FAM114A2: variants seen among roughly 807,000 people sequenced by gnomAD.
FAM114A2 encodes family with sequence similarity 114 member A2, also known as protein FAM114A2.
Under a neutral mutation model 58.4 loss-of-function variants are expected in FAM114A2, and 53 were observed. That is an observed-to-expected ratio of 0.91 (90% CI 0.73 to 1.14). FAM114A2 has a LOEUF of 1.14. Among genes scored for constraint, FAM114A2 ranks in the 50% most tolerant of loss-of-function variants. FAM114A2 has a pLI of 0.00. For synonymous variants in FAM114A2, 228 were observed against 211.4 expected (o/e 1.08, Z -0.68); for missense variants, 601 against 581.1 (o/e 1.03, Z -0.35).
chr5:154,021,689 G>T (rs1771430275), intron 8 of FAM114A2, among the ~76,000 whole-genome samples: 1 of 152,150 alleles, frequency 6.6e-6, no homozygotes, highest in South Asian at 2.1e-4. Context: ...TCATAGAGAG[G>T]AAGAATCAAT....
chr5:154,004,003 T>C (rs1305169137), intron 9 of FAM114A2, among the ~76,000 whole-genome samples: 1 of 152,214 alleles, frequency 6.6e-6, no homozygotes, highest in Non-Finnish European at 1.5e-5. Context: ...TATTCAGTAC[T>C]GTAACATGCT....
At position 153,997,678 on chromosome 5, in the gene FAM114A2, C is replaced by T. The variant is rs1053516299; in HGVS notation, c.1329+125G>A. 1.4e-5 allele frequency: 9 copies of T among 644,408 alleles called. No homozygotes were observed. In the African/African-American group the frequency reaches 1.5e-4, roughly 11 times the overall value. 39.9% of individuals were successfully genotyped at this position (644,408 alleles called of 1,614,324 possible). A position where few individuals can be genotyped will look rare whatever the true frequency, so the allele number is the denominator to read the frequency against. The stretch of plus-strand genomic sequence containing the variant: ...TTAGACTATGGAAATGGCCGCGCAA[C>T]TCTGTAAATATACTAAAAACTAAAA... On this transcript the variant is annotated intron_variant, in intron 12 of 13. Coordinates refer to ENST00000351797, the MANE Select transcript of FAM114A2 (RefSeq NM_018691.4).
intron 12 of FAM114A2, among the ~76,000 whole-genome samples, chr5:153,997,056 C>T (rs1440478959): frequency 6.8e-6 from 1 of 147,572 alleles, no homozygotes; most frequent in East Asian, 2.0e-4. Flanking sequence ...TAAATCAAAA[C>T]CACAATGAGA....
rs776979069 is a variant in FAM114A2 at position 154,034,834 on chromosome 5, C to T, written c.120G>A (p.Glu40=). ...TGGAAACTACAGGTTCTGATTTACT[C>T]TCTGGTTTGGCACCTTGGTCAACAG... is the stretch of plus-strand genomic sequence containing the variant. ...SESVDQGAKP[E]SKSEPVVSTR... Residue 40 remains glutamate, a synonymous_variant, in exon 2 of 14, where the codon GAG becomes GAA. Coordinates refer to ENST00000351797, the MANE Select transcript of FAM114A2 (RefSeq NM_018691.4). 5.6e-6 allele frequency: 9 copies of T among 1,614,012 alleles called. No individual in the cohort carries two copies. In the East Asian group the frequency reaches 2.0e-4, roughly 36 times the overall value.
chr5:154,009,007 ATATG>A (rs1770526714), intron 9 of FAM114A2, among the ~76,000 whole-genome samples: 1 of 152,238 alleles, frequency 6.6e-6, no homozygotes, highest in Non-Finnish European at 1.5e-5. Flanking sequence ...ACACGTGCAC[ATATG>A]TATCTACAAA....
intron 12 of FAM114A2, 47 bp from the exon 13 acceptor site, chr5:153,995,019 C>G: frequency 8.2e-7 from 1 of 1,222,826 alleles, no homozygotes; most frequent in Non-Finnish European, 1.2e-6. Context: ...GGTTAAATAA[C>G]AGTAAGTGGA....
chr5:154,038,241 TACAC>T (rs1412661435), intron 1 of FAM114A2: 2 of 152,282 alleles, frequency 1.3e-5, no homozygotes, highest in African/African-American at 4.8e-5. Context: ...CGCATACGCT[TACAC>T]ACACACATAT....
intron 4 of FAM114A2, among the ~76,000 whole-genome samples, chr5:154,031,404 T>TA (rs1336588455): frequency 6.6e-6 from 1 of 150,742 alleles, no homozygotes; most frequent in Non-Finnish European, 1.5e-5. Context: ...TAGCCCCCTT[T>TA]AAAGGAAGAA....
At position 154,011,458 on chromosome 5, in the gene FAM114A2, A is replaced by G. The variant is rs1048310451; in HGVS notation, c.914-138T>C. 14 of 607,938 alleles carry G rather than the reference A, an allele frequency of 2.3e-5. No homozygotes were observed. In the African/African-American group the frequency reaches 2.4e-4, roughly 11 times the overall value. 37.7% of individuals were successfully genotyped at this position (607,938 alleles called of 1,614,324 possible). A position where few individuals can be genotyped will look rare whatever the true frequency, so the allele number is the denominator to read the frequency against. On this transcript the variant is annotated intron_variant, in intron 8 of 13. Coordinates refer to ENST00000351797, the MANE Select transcript of FAM114A2 (RefSeq NM_018691.4). ...AACAATAGTAGCAGCAGTAATGTAC[A>G]TGAGCATGGTGCTTTAGTGCTTATA... is the stretch of plus-strand genomic sequence containing the variant.
intron 8 of FAM114A2, among the ~76,000 whole-genome samples, chr5:154,017,654 T>A (rs1019220643): frequency 6.6e-6 from 1 of 152,070 alleles, no homozygotes; most frequent in African/African-American, 2.4e-5. Context: ...TATTCAACAG[T>A]GCATGGAACT....
intron 9 of FAM114A2, among the ~76,000 whole-genome samples, chr5:154,005,573 C>T (rs1770296922): frequency 6.6e-6 from 1 of 152,066 alleles, no homozygotes. Flanking sequence ...GGAAGCAAGC[C>T]GAAAGACACA....
chr5:154,034,693 T>C, intron 2 of FAM114A2, 51 bp downstream of exon 2: 1 of 1,338,880 alleles, frequency 7.5e-7, no homozygotes, highest in Non-Finnish European at 1.1e-6. Flanking sequence ...CCAACATTTT[T>C]TAATCCTAAT....
intron 8 of FAM114A2, among the ~76,000 whole-genome samples, chr5:154,018,965 A>G (rs1771224480): frequency 6.6e-6 from 1 of 152,202 alleles, no homozygotes; most frequent in Non-Finnish European, 1.5e-5. Context: ...CCGAATGGAG[A>G]GAAGTTGAAA....
intron 11 of FAM114A2, among the ~76,000 whole-genome samples, chr5:154,001,169 C>T (rs1196866566): frequency 6.6e-6 from 1 of 152,156 alleles, no homozygotes; most frequent in Admixed American, 6.5e-5. Flanking sequence ...TATACATATA[C>T]ATATATACAC....
chr5:153,994,314 T>C (rs774967750), intron 13 of FAM114A2, among the ~76,000 whole-genome samples: 2 of 152,176 alleles, frequency 1.3e-5, no homozygotes, highest in Non-Finnish European at 2.9e-5. Flanking sequence ...CATCAAAAAG[T>C]CTATGTTGTC....
At position 154,018,654 on chromosome 5, in the gene FAM114A2, C is replaced by T. The variant is rs1299227037; in HGVS notation, c.914-7334G>A. ...CCTGATGAGTATAGATGCTAAAATC[C>T]TTAACAAAGTACTAGCTAACCAAAT... On this transcript the variant is annotated intron_variant, in intron 8 of 13. Coordinates refer to ENST00000351797, the MANE Select transcript of FAM114A2 (RefSeq NM_018691.4). Among the ~76,000 whole-genome samples the T allele has an allele frequency of 2.0e-5, 3 of 152,140 alleles. No homozygotes were observed. In the East Asian group the frequency reaches 5.8e-4, roughly 29 times the overall value.
At chr5:154,016,990 G>A (rs1771081636) in intron 8 of FAM114A2, among the ~76,000 whole-genome samples, 1 of 152,142 alleles carries the variant, frequency 6.6e-6, no homozygotes, top group African/African-American at 2.4e-5. Flanking sequence ...TCTTGTATCA[G>A]ACAAAACAAA....
intron 9 of FAM114A2, 87 bp from the exon 10 acceptor site, chr5:154,003,056 GAAGT>G: frequency 8.3e-7 from 1 of 1,208,758 alleles, no homozygotes. Flanking sequence ...TAGCATCCTA[GAAGT>G]AAGGGCTCCT....
chr5:154,029,406 T>A (rs1413320257), intron 5 of FAM114A2, 83 bp downstream of exon 5: 1 of 819,744 alleles, frequency 1.2e-6, no homozygotes, highest in East Asian at 2.6e-5. Context: ...TCCACATGGC[T>A]GTTCAAAGAA....
Sources: gnomAD v4.1 joint callset for allele counts (sites outside exome capture counted in the v4.1 genomes callset) on GRCh38, gnomAD v4.1.1 for gene constraint, MANE v1.5 for transcripts, NCBI Gene and HGNC (gene_info 2026-07-23, HGNC 2026-07-21) for gene names.